WDR88: variants seen among roughly 807,000 people sequenced by gnomAD.
The protein encoded by WDR88 is WD repeat domain 88.
In WDR88, 40 loss-of-function variants were observed where a neutral mutation model predicts 46.8. That is an observed-to-expected ratio of 0.86 (90% CI 0.66 to 1.11). The LOEUF (loss-of-function observed/expected upper bound fraction) is 1.11. Among genes scored for constraint, WDR88 ranks in the 50% most tolerant of loss-of-function variants. The probability of loss-of-function intolerance (pLI) is 0.00; values close to 1 mark genes in which losing one functional copy is unlikely to be tolerated. For missense variants in WDR88, 562 were observed against 602.4 expected (o/e 0.93, Z 0.70); for synonymous variants, 235 against 240.7 (o/e 0.98, Z 0.22).
intron 2 of WDR88, among the ~76,000 whole-genome samples, chr19:33,138,712 C>T (rs558413009): frequency 7.8e-6 from 1 of 127,432 alleles, no homozygotes; most frequent in African/African-American, 3.1e-5. Context: ...GAGACAGAGT[C>T]TTGCTCTGTC....
At chr19:33,159,206 C>A (rs1452384794) in intron 7 of WDR88, among the ~76,000 whole-genome samples, 7 of 151,762 alleles carry the variant, frequency 4.6e-5, no homozygotes, top group Admixed American at 3.9e-4. Context: ...TGTGCTGGCA[C>A]CTGCTTGTAG....
At position 33,175,617 on chromosome 19, in the gene WDR88, A is replaced by G; in HGVS notation, c.*45A>G. ...GTGACTCCAGCACAGGCTACCTAGC[A>G]TGTAGGTTTCGGGGCTTTGCAGGGG... On this transcript the variant is annotated 3_prime_UTR_variant, in exon 11 of 11. Coordinates refer to ENST00000355868, the MANE Select transcript of WDR88 (RefSeq NM_173479.4). The G allele has an allele frequency of 6.2e-7, 1 of 1,608,864 alleles. No individual in the cohort carries two copies. Among genetic ancestry groups the G allele is most frequent in the Non-Finnish European group, 8.5e-7 (1 of 1,176,806 alleles).
At chr19:33,140,935 ATTTTTT>A (rs576514149) in intron 2 of WDR88, among the ~76,000 whole-genome samples, 1 of 127,128 alleles carries the variant, frequency 7.9e-6, no homozygotes, top group Non-Finnish European at 1.6e-5. Flanking sequence ...CCAAACTTAC[ATTTTTT>A]TTTTTTTTTT....
At chr19:33,147,882 T>C (rs1973552415) in intron 4 of WDR88, among the ~76,000 whole-genome samples, 174 bp downstream of exon 4, 1 of 151,988 alleles carries the variant, frequency 6.6e-6, no homozygotes, top group Non-Finnish European at 1.5e-5. Flanking sequence ...ACAACAGCCA[T>C]TGCTTGCAAA....
At chr19:33,168,054 G>T (rs554242894) in intron 9 of WDR88, among the ~76,000 whole-genome samples, 1 of 143,560 alleles carries the variant, frequency 7.0e-6, no homozygotes, top group African/African-American at 2.6e-5. Flanking sequence ...TTGAGATGGA[G>T]TCTTGCTCTG....
chr19:33,132,862 T>C (rs1568355635), intron 1 of WDR88, among the ~76,000 whole-genome samples: 1 of 152,150 alleles, frequency 6.6e-6, no homozygotes, highest in Non-Finnish European at 1.5e-5. Flanking sequence ...AGAATAATAA[T>C]AACAACAATG....
chr19:33,162,361 C>T (rs1035632215), intron 8 of WDR88, among the ~76,000 whole-genome samples: 32 of 148,022 alleles, frequency 2.2e-4, no homozygotes, highest in Non-Finnish European at 4.0e-4. Context: ...CCACCATGCC[C>T]GGCTAATTTT....
chr19:33,132,138 T>C lies in WDR88; in HGVS notation c.-32T>C. On this transcript the variant is annotated 5_prime_UTR_variant, in exon 1 of 11. Transcript: ENST00000355868. ...CGGCGCCACCGTTCCCATCCAGGCT[T>C]GTCGGCGGCCACCGGCGGACCGGGC... The C allele has an allele frequency of 6.4e-7, 1 of 1,556,832 alleles. No individual in the cohort carries two copies. The highest frequency in any genetic ancestry group is 1.2e-5 in the South Asian group (1 of 85,682).
intron 5 of WDR88, among the ~76,000 whole-genome samples, chr19:33,150,462 T>A (rs1205563363): frequency 6.6e-6 from 1 of 152,098 alleles, no homozygotes; most frequent in East Asian, 1.9e-4. Context: ...AATAAAAAAA[T>A]CATTCATTAT....
intron 10 of WDR88, 60 bp downstream of exon 10, chr19:33,172,500 A>G: frequency 1.4e-6 from 2 of 1,403,752 alleles, no homozygotes; most frequent in South Asian, 1.2e-5. Flanking sequence ...CTATAAATTA[A>G]TTTATCATTT....
chr19:33,135,913 G>C (rs575277003), intron 1 of WDR88, among the ~76,000 whole-genome samples: 1 of 150,192 alleles, frequency 6.7e-6, no homozygotes, highest in Admixed American at 6.7e-5. Context: ...TTTTTAAGAC[G>C]AAGTCTTGCT....
At chr19:33,132,663 G>A (rs1438135030) in intron 1 of WDR88, among the ~76,000 whole-genome samples, 1 of 152,078 alleles carries the variant, frequency 6.6e-6, no homozygotes, top group African/African-American at 2.4e-5. Context: ...TCCCCGCACT[G>A]CCACCTGCTG....
intron 3 of WDR88, among the ~76,000 whole-genome samples, chr19:33,146,474 T>TCCTCCCTTCCTTCC (rs1314853533): frequency 2.3e-5 from 2 of 86,032 alleles, no homozygotes; most frequent in African/African-American, 9.4e-5. Context: ...TTTCCTTCCT[T>TCCTCCCTTCCTTCC]CCTTCCTTCC....
chr19:33,162,095 T>C (rs1973877033), intron 8 of WDR88, among the ~76,000 whole-genome samples: 2 of 152,216 alleles, frequency 1.3e-5, no homozygotes, highest in Admixed American at 1.3e-4. Flanking sequence ...TTTCTGCCTC[T>C]TTCCATACGG....
intron 2 of WDR88, among the ~76,000 whole-genome samples, chr19:33,138,574 T>A (rs1018585159): frequency 1.3e-5 from 2 of 151,972 alleles, no homozygotes; most frequent in African/African-American, 4.8e-5. Context: ...CTCGAACTCC[T>A]GACTTCAGAT....
chr19:33,154,013 G>A (rs1032558114), intron 6 of WDR88, among the ~76,000 whole-genome samples: 2 of 151,904 alleles, frequency 1.3e-5, no homozygotes, highest in Non-Finnish European at 2.9e-5. Context: ...TAAAATTTCA[G>A]CCATTTAAAA....
intron 2 of WDR88, among the ~76,000 whole-genome samples, chr19:33,144,227 T>G (rs954643072): frequency 2.6e-5 from 4 of 152,154 alleles, no homozygotes; most frequent in Admixed American, 6.6e-5. Context: ...TGAGACGGTG[T>G]CTCGCTCTGT....
At chr19:33,143,294 C>T (rs564061730) in intron 2 of WDR88, among the ~76,000 whole-genome samples, 49 of 144,952 alleles carry the variant, frequency 3.4e-4, no homozygotes, top group African/African-American at 1.2e-3. Flanking sequence ...ATAATTGCAC[C>T]ACTGCACTCA....
intron 1 of WDR88, among the ~76,000 whole-genome samples, chr19:33,137,390 T>C (rs993022002): frequency 2.0e-5 from 3 of 151,932 alleles, no homozygotes; most frequent in African/African-American, 7.3e-5. Context: ...GTAGCTGGGA[T>C]TATAGGCATG....
Sources: allele counts gnomAD v4.1 joint callset (sites outside exome capture counted in the v4.1 genomes callset), GRCh38; gene constraint gnomAD v4.1.1; transcripts MANE v1.5; gene names NCBI Gene and HGNC (gene_info 2026-07-23, HGNC 2026-07-21).